The following MIA3 variants were observed in gnomAD, a reference collection of about 807,000 sequenced individuals.
MIA3 encodes transport and Golgi organization protein 1 homolog.
Under a neutral mutation model 192.4 loss-of-function variants are expected in MIA3, and 90 were observed. The ratio of observed to expected loss-of-function variants is 0.47; its 90% CI spans 0.39 to 0.56. MIA3 has a LOEUF of 0.56. Among genes scored for constraint, MIA3 ranks in the 20% least tolerant of loss-of-function variants. MIA3 has a pLI of 0.00. For missense variants in MIA3, 2,123 were observed against 2,269.4 expected, an observed-to-expected ratio of 0.94 and a Z score of 1.31; for synonymous variants, 740 against 792.8, an observed-to-expected ratio of 0.93 and a Z score of 1.12.
intron 12 of MIA3, 48 bp from the exon 13 acceptor site, chr1:222,652,180 T>C: frequency 6.6e-7 from 1 of 1,516,188 alleles, no homozygotes; most frequent in East Asian, 2.3e-5. Context: ...AGTAACTTTT[T>C]CTGGTTTTCT....
intron 6 of MIA3, among the ~76,000 whole-genome samples, chr1:222,638,247 G>A (rs1284543765): frequency 6.6e-6 from 1 of 152,092 alleles, no homozygotes; most frequent in African/African-American, 2.4e-5. Context: ...AATGATTCAA[G>A]TAGTACAAAG....
intron 7 of MIA3, among the ~76,000 whole-genome samples, chr1:222,647,119 C>CT (rs1663185407): frequency 6.6e-6 from 1 of 152,144 alleles, no homozygotes; most frequent in Admixed American, 6.5e-5. Flanking sequence ...TCATCATGTA[C>CT]TATTTTACTC....
At chr1:222,633,697 GT>G (rs1259832190) in intron 6 of MIA3, among the ~76,000 whole-genome samples, 2 of 152,030 alleles carry the variant, frequency 1.3e-5, no homozygotes, top group African/African-American at 4.8e-5. Context: ...TTGACTTGGA[GT>G]TGTCAAATAG....
In MIA3 at chr1:222,665,931, T is replaced by G. The variant is rs1242889611; in HGVS notation, c.*312T>G. ...GAATGTCATGAAAAATATGAACATT[T>G]CCTGTGGAAATGCTTTAAGAACATG... On this transcript the variant is annotated 3_prime_UTR_variant, in exon 28 of 28. Coordinates refer to ENST00000344922, the MANE Select transcript of MIA3 (RefSeq NM_198551.4). 4.5e-6 allele frequency: 1 copy of G among 221,278 alleles called. No individual in the cohort carries two copies. The highest frequency in any genetic ancestry group is 8.7e-6 in the Non-Finnish European group (1 of 114,310). The allele number at this position is 221,278 out of a possible 1,614,324, so 13.7% of individuals were successfully genotyped here.
Position 222,633,175 on chromosome 1 carries a change from G to A in MIA3, c.3403G>A (p.Glu1135Lys). 6.2e-7 allele frequency: 1 copy of A among 1,614,080 alleles called. No homozygotes were observed. The highest frequency in any genetic ancestry group is 1.1e-5 in the South Asian group (1 of 91,062). The change falls in exon 6 of 28, where the codon GAG (glutamate) becomes AAG (lysine). Residue 1135 changes from glutamate (E) to lysine (K), a missense_variant. By Grantham distance (56) the Glu-to-Lys change is moderately conservative. Transcript: ENST00000344922. ...ANKQPETAAE[E>K]PASVTPLENA... ...CAAGCAACCAGAGACAGCCGCCGAA[G>A]AGCCGGCAAGTGTCACACCTTTGGA...
intron 9 of MIA3, 39 bp from the exon 10 acceptor site, chr1:222,650,595 C>A (rs769199664): frequency 2.9e-6 from 4 of 1,390,906 alleles, no homozygotes. Flanking sequence ...TAGCACTATA[C>A]TTTATATTTC....
rs1436275116 is a variant in MIA3 at position 222,624,762 on chromosome 1, G to A, written c.268-6G>A. 8 of 1,446,950 alleles carry A rather than the reference G, an allele frequency of 5.5e-6. No homozygotes were observed. The highest frequency in any genetic ancestry group is 4.2e-5 in the African/African-American group (3 of 71,546). 89.6% of individuals were successfully genotyped at this position (1,446,950 alleles called of 1,614,324 possible). On this transcript the variant is annotated splice_polypyrimidine_tract_variant and splice_region_variant and intron_variant, in intron 2 of 27. Coordinates refer to ENST00000344922, the MANE Select transcript of MIA3 (RefSeq NM_198551.4). The stretch of plus-strand genomic sequence containing the variant: ...ATGTGTCCCTTTTGCCCATTCTTTT[G>A]TGTAGGTTGGACGCACTTTTGGATA...
intron 2 of MIA3, among the ~76,000 whole-genome samples, chr1:222,621,871 C>T (rs534655371): frequency 1.7e-4 from 26 of 150,218 alleles, no homozygotes; most frequent in African/African-American, 4.4e-4. Flanking sequence ...TGCCGTGGCG[C>T]GATCTCGGCT....
chr1:222,659,170 T>C, intron 19 of MIA3: 2 of 454,320 alleles, frequency 4.4e-6, no homozygotes, highest in South Asian at 3.2e-5. Flanking sequence ...TGAAAAAAGG[T>C]TTATAGTGGA....
chr1:222,667,011 A>G lies in MIA3; in HGVS notation c.*1392A>G, dbSNP rs1277568221. The G allele has an allele frequency of 1.3e-5, 2 of 152,272 alleles. No individual in the cohort carries two copies. The highest frequency in any genetic ancestry group is 4.8e-5 in the African/African-American group (2 of 41,572). The allele number at this position is 152,272 out of a possible 1,614,324, so 9.4% of individuals were successfully genotyped here. Reference sequence around the variant, plus strand: ...ATATTCTTCCATTCTTTGAAGTCCTATGATGTAATATTTTTGAAACCTAGT... The same window carrying G: ...ATATTCTTCCATTCTTTGAAGTCCTGTGATGTAATATTTTTGAAACCTAGT... On this transcript the variant is annotated 3_prime_UTR_variant, in exon 28 of 28. Coordinates refer to ENST00000344922, the MANE Select transcript of MIA3 (RefSeq NM_198551.4).
Position 222,665,515 on chromosome 1 carries a change from C to A in MIA3, c.5620C>A (p.Pro1874Thr). Reference sequence around the variant, plus strand: ...TGGTCCCCAGGAATACCCACCACCACCTGCTGTAAGAGACTTACTGCCGTC... The same window carrying A: ...TGGTCCCCAGGAATACCCACCACCAACTGCTGTAAGAGACTTACTGCCGTC... Reference protein sequence around the residue: ...THGPQEYPPPPAVRDLLPSGS... With the variant: ...THGPQEYPPPTAVRDLLPSGS... Residue 1874 changes from proline (P) to threonine (T), a missense_variant, in exon 28 of 28, where the codon CCT becomes ACT. Transcript: ENST00000344922. 3.1e-6 allele frequency: 5 copies of A among 1,614,158 alleles called. No homozygotes were observed. Among genetic ancestry groups the A allele is most frequent in the Non-Finnish European group, 4.2e-6 (5 of 1,179,996 alleles).
chr1:222,631,163 C>T (rs567782344), intron 4 of MIA3, among the ~76,000 whole-genome samples: 1 of 151,526 alleles, frequency 6.6e-6, no homozygotes, highest in Non-Finnish European at 1.5e-5. Flanking sequence ...ACCCTGTCAC[C>T]CAGGCTGGAG....
intron 6 of MIA3, among the ~76,000 whole-genome samples, chr1:222,642,806 G>GGC (rs1409323730): frequency 6.6e-6 from 1 of 152,182 alleles, no homozygotes; most frequent in East Asian, 1.9e-4. Flanking sequence ...TCATGAGTGA[G>GGC]GCAGAGCATG....
intron 3 of MIA3, 21 bp from the exon 4 acceptor site, chr1:222,627,554 A>G (rs763933237): frequency 1.3e-6 from 2 of 1,543,108 alleles, no homozygotes; most frequent in Non-Finnish European, 1.7e-6. Context: ...TGACAGACTA[A>G]TGTTTTTCTT....
chr1:222,628,659 A>C lies in MIA3; in HGVS notation c.1439A>C (p.Gln480Pro), dbSNP rs201688063. The change falls in exon 4 of 28, where the codon CAA (glutamine) becomes CCA (proline). Residue 480 changes from glutamine (Q) to proline (P), a missense_variant. This residue lies in a region of MIA3 where 1,357 missense variants were observed against 1,396.1 expected (regional missense o/e 0.97). Coordinates refer to ENST00000344922, the MANE Select transcript of MIA3 (RefSeq NM_198551.4). ...GVQESKRGLV[Q>P]DKTELEDENQ... ...CAGGAATCCAAGAGGGGCCTGGTAC[A>C]AGATAAGACAGAATTAGAGGATGAA... 125 of 1,613,966 alleles carry C rather than the reference A, an allele frequency of 7.7e-5. No individual in the cohort carries two copies. In the African/African-American group the frequency reaches 1.2e-3, roughly 16 times the overall value.
rs1490317473 is a variant in MIA3 at position 222,630,145 on chromosome 1, A to G, written c.2925A>G (p.Leu975=). 1.9e-6 allele frequency: 3 copies of G among 1,614,244 alleles called. No homozygotes were observed. The highest frequency in any genetic ancestry group is 2.2e-5 in the South Asian group (2 of 91,084). Reference sequence around the variant, plus strand: ...TGCCCTATAATATGGAAAAAGTCCTAGATAAGGTCTTCCGTGCTTCTGAGT... The same window carrying G: ...TGCCCTATAATATGGAAAAAGTCCTGGATAAGGTCTTCCGTGCTTCTGAGT... ...ESLPYNMEKV[L]DKVFRASESQ... Residue 975 remains leucine, a synonymous_variant, in exon 4 of 28, where the codon CTA becomes CTG. Transcript: ENST00000344922.
chr1:222,637,684 A>ATT (rs112135138), intron 6 of MIA3, among the ~76,000 whole-genome samples: 1 of 76,374 alleles, frequency 1.3e-5, no homozygotes, highest in Non-Finnish European at 3.7e-5. Flanking sequence ...ATCAAGAATA[A>ATT]TTTTTTTTTT....
intron 6 of MIA3, 115 bp downstream of exon 6, chr1:222,633,364 T>G (rs1185606801): frequency 2.3e-6 from 2 of 863,786 alleles, no homozygotes; most frequent in Non-Finnish European, 3.6e-6. Flanking sequence ...CTCCTGATCC[T>G]TTGAAGAGAG....
chr1:222,644,409 T>C, intron 6 of MIA3: 1 of 1,541,686 alleles, frequency 6.5e-7, no homozygotes, highest in Non-Finnish European at 8.8e-7. Flanking sequence ...AGGAGGAAGC[T>C]CTGAAAAACA....
Sources: gnomAD v4.1 joint callset for allele counts (sites outside exome capture counted in the v4.1 genomes callset) on GRCh38, gnomAD v4.1.1 for gene constraint, gnomAD v4.1.1 regional missense constraint, MANE v1.5 for transcripts, NCBI Gene and HGNC (gene_info 2026-07-23, HGNC 2026-07-21) for gene names.